GNA14: variants seen among roughly 807,000 people sequenced by gnomAD.
The protein encoded by GNA14 is guanine nucleotide-binding protein subunit alpha-14.
Under a neutral mutation model 42.0 loss-of-function variants are expected in GNA14, and 50 were observed. The ratio of observed to expected loss-of-function variants is 1.19; its 90% CI spans 0.95 to 1.51. The LOEUF (loss-of-function observed/expected upper bound fraction) is 1.51. Among genes scored for constraint, GNA14 ranks in the 40% most tolerant of loss-of-function variants. The pLI, the probability that GNA14 is intolerant of heterozygous loss-of-function variation, is 0.00. For synonymous variants in GNA14, 173 were observed against 163.1 expected, an observed-to-expected ratio of 1.06 and a Z score of -0.46; for missense variants, 473 against 446.2, an observed-to-expected ratio of 1.06 and a Z score of -0.54.
At chr9:77,585,782 G>C (rs1823292724) in intron 1 of GNA14, among the ~76,000 whole-genome samples, 1 of 152,138 alleles carries the variant, frequency 6.6e-6, no homozygotes, top group Non-Finnish European at 1.5e-5. Flanking sequence ...TCCCCTAAAT[G>C]TTTTTATTGG....
chr9:77,460,378 A>G (rs1437117745), intron 2 of GNA14, among the ~76,000 whole-genome samples: 1 of 152,232 alleles, frequency 6.6e-6, no homozygotes, highest in Non-Finnish European at 1.5e-5. Flanking sequence ...AGAGGCATGG[A>G]AAAGATTCTC....
chr9:77,525,920 A>AC (rs1837429138), intron 2 of GNA14, among the ~76,000 whole-genome samples: 2 of 149,978 alleles, frequency 1.3e-5, no homozygotes, highest in Non-Finnish European at 3.0e-5. Flanking sequence ...AAAAAAAAAA[A>AC]AAAACGGAGT....
At chr9:77,473,491 T>C (rs1836367164) in intron 2 of GNA14, among the ~76,000 whole-genome samples, 1 of 151,778 alleles carries the variant, frequency 6.6e-6, no homozygotes, top group Non-Finnish European at 1.5e-5. Flanking sequence ...TTAAAGAAGA[T>C]ATAAATGAAT....
At chr9:77,530,652 T>A (rs749901352) in intron 1 of GNA14, among the ~76,000 whole-genome samples, 13 of 152,178 alleles carry the variant, frequency 8.5e-5, no homozygotes, top group Non-Finnish European at 1.9e-4. Flanking sequence ...AATGACCAAC[T>A]CAATTATTAG....
intron 2 of GNA14, among the ~76,000 whole-genome samples, chr9:77,502,991 C>A (rs538977221): frequency 3.3e-5 from 5 of 152,174 alleles, no homozygotes; most frequent in African/African-American, 1.2e-4. Flanking sequence ...AGCTCAGAGT[C>A]TGGAATATAT....
intron 1 of GNA14, among the ~76,000 whole-genome samples, chr9:77,584,180 G>A (rs1365263275): frequency 6.6e-6 from 1 of 152,120 alleles, no homozygotes; most frequent in East Asian, 1.9e-4. Flanking sequence ...AACTGCGAAA[G>A]GTAACATTAA....
At chr9:77,522,853 C>T (rs539595069) in intron 2 of GNA14, among the ~76,000 whole-genome samples, 36 of 152,330 alleles carry the variant, frequency 2.4e-4, no homozygotes, top group Admixed American at 1.3e-3. Context: ...AGAGGAGGAA[C>T]TCCAAGGGAC....
intron 1 of GNA14, among the ~76,000 whole-genome samples, chr9:77,558,819 G>A (rs1822831202): frequency 6.6e-6 from 1 of 151,740 alleles, no homozygotes; most frequent in South Asian, 2.1e-4. Flanking sequence ...GACTGCTACT[G>A]CCTTTGTTTA....
intron 1 of GNA14, among the ~76,000 whole-genome samples, chr9:77,597,777 T>C (rs1823490038): frequency 6.6e-6 from 1 of 152,066 alleles, no homozygotes; most frequent in East Asian, 1.9e-4. Context: ...AAAAAACTTT[T>C]AGGCCGGGCA....
rs1824259066 is a variant in GNA14 at position 77,641,109 on chromosome 9, GAA to G, written c.124+6559_124+6560del. Reference sequence around the variant, plus strand: ...GGGGAGGGGAGGGGGGGGAAGGAAGGAAGGAAGGAAGGAAGGAAGGAAGGAAG... The same window carrying G: ...GGGGAGGGGAGGGGGGGGAAGGAAGGGGAAGGAAGGAAGGAAGGAAGGAAG... On this transcript the variant is annotated intron_variant, in intron 1 of 6. Transcript: ENST00000341700. Among the ~76,000 whole-genome samples, 15 of 5,258 alleles carry G rather than the reference GAA, an allele frequency of 2.9e-3. 1 individual carries two copies. The highest frequency in any genetic ancestry group is 6.2e-3 in the Non-Finnish European group (13 of 2,082). 3.4% of individuals were successfully genotyped at this position (5,258 alleles called of 152,430 possible).
chr9:77,505,189 G>A (rs1837048799), intron 2 of GNA14, among the ~76,000 whole-genome samples: 11 of 152,126 alleles, frequency 7.2e-5, no homozygotes, highest in Admixed American at 7.2e-4. Context: ...GAAACAGCCT[G>A]GTGAATAAAT....
At chr9:77,640,079 G>A (rs971536680) in intron 1 of GNA14, among the ~76,000 whole-genome samples, 2 of 152,218 alleles carry the variant, frequency 1.3e-5, no homozygotes, top group Non-Finnish European at 2.9e-5. Context: ...ATTGATCCAG[G>A]AGTGCACCCT....
At chr9:77,431,254 A>C in intron 4 of GNA14, 67 bp downstream of exon 4, 1 of 1,446,478 alleles carries the variant, frequency 6.9e-7, no homozygotes, top group South Asian at 1.2e-5. Flanking sequence ...TAACACGTTT[A>C]AGAATCCACC....
chr9:77,513,159 C>T (rs12685689), intron 2 of GNA14, among the ~76,000 whole-genome samples: 30,025 of 152,164 alleles, frequency 0.2, 3,211 homozygotes, highest in East Asian at 0.37. Flanking sequence ...ATAGAGAATC[C>T]AAGACAGAGA....
At chr9:77,516,818 G>C (rs1307416339) in intron 2 of GNA14, among the ~76,000 whole-genome samples, 5 of 152,220 alleles carry the variant, frequency 3.3e-5, no homozygotes, top group Non-Finnish European at 5.9e-5. Flanking sequence ...TTTGTGGACA[G>C]TGACAAGAGT....
At chr9:77,519,890 A>G (rs1468561935) in intron 2 of GNA14, among the ~76,000 whole-genome samples, 2 of 152,012 alleles carry the variant, frequency 1.3e-5, no homozygotes, top group African/African-American at 2.4e-5. Flanking sequence ...TATGCCTGTA[A>G]TCCCAGCTAC....
chr9:77,551,271 T>C (rs985753040), intron 1 of GNA14, among the ~76,000 whole-genome samples: 7 of 152,276 alleles, frequency 4.6e-5, no homozygotes, highest in Admixed American at 1.3e-4. Flanking sequence ...CTCCTCATCC[T>C]TTTTCAAATT....
At chr9:77,551,746 C>T (rs1016759247) in intron 1 of GNA14, among the ~76,000 whole-genome samples, 3 of 151,772 alleles carry the variant, frequency 2.0e-5, no homozygotes, top group Admixed American at 1.3e-4. Context: ...ATGTTCTTTG[C>T]TTTTTTTAAA....
At chr9:77,591,821 T>C (rs1209953836) in intron 1 of GNA14, among the ~76,000 whole-genome samples, 3 of 152,168 alleles carry the variant, frequency 2.0e-5, no homozygotes, top group Non-Finnish European at 4.4e-5. Context: ...GCTTTCTAGA[T>C]AGATTTCCCA....
Sources: allele counts gnomAD v4.1 joint callset (sites outside exome capture counted in the v4.1 genomes callset), GRCh38; gene constraint gnomAD v4.1.1; transcripts MANE v1.5; gene names NCBI Gene and HGNC (gene_info 2026-07-23, HGNC 2026-07-21).